Variants in UGT1A5 observed in about 807,000 individuals in gnomAD.
UGT1A5 encodes UDP glucuronosyltransferase family 1 member A5, also known as UDP-glucuronosyltransferase 1A5.
UGT1A5 carries 29 observed loss-of-function variants against 40.3 expected under a neutral mutation model. The ratio of observed to expected loss-of-function variants is 0.72; its 90% confidence interval spans 0.54 to 0.98. The LOEUF (loss-of-function observed/expected upper bound fraction) is 0.98, where lower values mean the gene tolerates loss of function less well. Ranked by LOEUF, UGT1A5 falls within the 50% of genes least tolerant of loss-of-function variation. The pLI is 0.00. For missense variants in UGT1A5, 678 were observed against 677.9 expected, an observed-to-expected ratio of 1.00 and a Z score of 0.00; for synonymous variants, 257 against 262.5, an observed-to-expected ratio of 0.98 and a Z score of 0.20.
At chr2:233,732,416 TTTC>T (rs1325833889) in intron 1 of UGT1A5, among the ~76,000 whole-genome samples, 1 of 152,362 alleles carries the variant, frequency 6.6e-6, no homozygotes, top group East Asian at 1.9e-4. Context: ...TTGCCTAGGT[TTTC>T]TTCTAGGATT....
At chr2:233,732,243 C>T (rs551987407) in intron 1 of UGT1A5, among the ~76,000 whole-genome samples, 33 of 152,314 alleles carry the variant, frequency 2.2e-4, no homozygotes, top group Non-Finnish European at 4.4e-4. Context: ...TGTAGGTTGC[C>T]TGTTCACTCT....
chr2:233,745,474 T>C (rs1693117475), intron 1 of UGT1A5, among the ~76,000 whole-genome samples: 1 of 151,746 alleles, frequency 6.6e-6, no homozygotes, highest in African/African-American at 2.4e-5. Context: ...GGGAAAATGA[T>C]TAACCAAAGA....
chr2:233,768,916 T>A (rs1454588101), intron 4 of UGT1A5, among the ~76,000 whole-genome samples: 1 of 152,138 alleles, frequency 6.6e-6, no homozygotes, highest in African/African-American at 2.4e-5. Context: ...TAGAGGTTAT[T>A]ATTCACTTTA....
At chr2:233,742,690 G>A (rs1692069965) in intron 1 of UGT1A5, 1 of 152,442 alleles carries the variant, frequency 6.6e-6, no homozygotes, top group African/African-American at 2.4e-5. Flanking sequence ...CCTTCAGAGG[G>A]AACATGCTTC....
In UGT1A5 at chr2:233,769,475, G is replaced by A. The variant is rs1699877907; in HGVS notation, c.1307+1036G>A. 2.5e-6 allele frequency: 4 copies of A among 1,611,166 alleles called. No homozygotes were observed. The highest frequency in any genetic ancestry group is 1.7e-4 in the Middle Eastern group (1 of 6,054). ...TGTGCATTCATATGCGTGTGTGTGT[G>A]TGTGCGTGTGTTTATGAGAGTGTCC... On this transcript the variant is annotated intron_variant, in intron 4 of 4. Coordinates refer to ENST00000373414, the MANE Select transcript of UGT1A5 (RefSeq NM_019078.2). The surrounding 1 kb of genome is among the most constrained non-coding windows in gnomAD (Gnocchi z 4.4).
chr2:233,751,479 G>A (rs184268355), intron 1 of UGT1A5, among the ~76,000 whole-genome samples: 7 of 152,348 alleles, frequency 4.6e-5, no homozygotes, highest in Admixed American at 3.9e-4. Flanking sequence ...GTTTTGAAAT[G>A]TGAAAAGACA....
intron 2 of UGT1A5, 25 bp downstream of exon 2, chr2:233,767,190 T>G: frequency 6.2e-7 from 1 of 1,613,838 alleles, no homozygotes; most frequent in Non-Finnish European, 8.5e-7. Flanking sequence ...TACCATGGCC[T>G]CATATCTATT....
intron 1 of UGT1A5, among the ~76,000 whole-genome samples, chr2:233,747,015 G>T (rs911515983): frequency 6.6e-6 from 1 of 151,822 alleles, no homozygotes; most frequent in Non-Finnish European, 1.5e-5. Context: ...AGGAGTGATC[G>T]GTCTTTCCCG....
At chr2:233,767,269 G>T in intron 2 of UGT1A5, 104 bp downstream of exon 2, 1 of 1,582,682 alleles carries the variant, frequency 6.3e-7, no homozygotes, top group South Asian at 1.2e-5. Flanking sequence ...CTTAGATTTG[G>T]CTTTTCCCTG....
rs2076347667 is a variant in UGT1A5 at position 233,713,803 on chromosome 2, C to T, written c.812C>T (p.Pro271Leu). 2 of 1,614,054 alleles carry T rather than the reference C, an allele frequency of 1.2e-6. No individual in the cohort carries two copies. Among genetic ancestry groups the T allele is most frequent in the Non-Finnish European group, 1.7e-6 (2 of 1,179,976 alleles). ...FVMDYPRPIMPNMVFIGGINC... is the reference protein window; with the variant it reads ...FVMDYPRPIMLNMVFIGGINC... ...ATGGATTACCCCAGGCCGATCATGC[C>T]CAACATGGTCTTCATTGGGGGCATC... is the stretch of plus-strand genomic sequence containing the variant. Residue 271 changes from proline to leucine, a missense_variant, in exon 1 of 5, where the codon CCC becomes CTC. Coordinates refer to ENST00000373414, the MANE Select transcript of UGT1A5 (RefSeq NM_019078.2).
chr2:233,728,881 C>T (rs529466232), intron 1 of UGT1A5, among the ~76,000 whole-genome samples: 1 of 152,166 alleles, frequency 6.6e-6, no homozygotes. Flanking sequence ...TTGGATGTTC[C>T]CCAGAGTGAG....
chr2:233,741,653 G>T (rs1248296818), intron 1 of UGT1A5: 1 of 151,908 alleles, frequency 6.6e-6, no homozygotes, highest in African/African-American at 2.4e-5. Flanking sequence ...CCAGCTGACT[G>T]CCATGTTCCT....
chr2:233,760,416 GCTTGGGGC>G, intron 1 of UGT1A5: 1 of 1,614,218 alleles, frequency 6.2e-7, no homozygotes, highest in Non-Finnish European at 8.5e-7. Flanking sequence ...GGCTGAGCAT[GCTTGGGGC>G]CATCCAGCAG....
chr2:233,754,773 G>A (rs1178551708), intron 1 of UGT1A5: 7 of 1,057,998 alleles, frequency 6.6e-6, no homozygotes, highest in Non-Finnish European at 9.2e-6. Context: ...ACTTCCCAGG[G>A]AGCCAAAGGA....
chr2:233,734,126 AG>A (rs1325771247), intron 1 of UGT1A5, among the ~76,000 whole-genome samples: 3 of 151,608 alleles, frequency 2.0e-5, no homozygotes, highest in Non-Finnish European at 4.4e-5. Context: ...AATAATAAAA[AG>A]AATTTGGCTG....
intron 1 of UGT1A5, among the ~76,000 whole-genome samples, chr2:233,745,867 G>A (rs553219755): frequency 6.6e-6 from 1 of 151,648 alleles, no homozygotes; most frequent in African/African-American, 2.4e-5. Flanking sequence ...TGCTGACCAA[G>A]GTTCCAGAAG....
chr2:233,744,810 C>A (rs79404275), intron 1 of UGT1A5, among the ~76,000 whole-genome samples: 3 of 151,852 alleles, frequency 2.0e-5, no homozygotes, highest in African/African-American at 7.3e-5. Context: ...CTAGGATTTC[C>A]TGGCTCATAC....
intron 1 of UGT1A5, among the ~76,000 whole-genome samples, chr2:233,752,797 G>C (rs766471839): frequency 2.6e-5 from 4 of 152,148 alleles, no homozygotes; most frequent in Non-Finnish European, 5.9e-5. Flanking sequence ...TTACACTTCT[G>C]TAGAAGGAAC....
At chr2:233,713,978 A>G in intron 1 of UGT1A5, 120 bp downstream of exon 1, 1 of 1,594,024 alleles carries the variant, frequency 6.3e-7, no homozygotes, top group Non-Finnish European at 8.5e-7. Flanking sequence ...TCTGCTTCTC[A>G]TTGTTGTAAT....
Sources: allele counts gnomAD v4.1 joint callset (sites outside exome capture counted in the v4.1 genomes callset), GRCh38; gene constraint gnomAD v4.1.1; non-coding constraint Gnocchi (gnomAD v3.1); transcripts MANE v1.5; gene names NCBI Gene and HGNC (gene_info 2026-07-23, HGNC 2026-07-21).